Variants in SPTBN1 observed in about 807,000 individuals in gnomAD.
SPTBN1 encodes spectrin beta, non-erythrocytic 1.
A neutral mutation model predicts 266.4 loss-of-function variants in SPTBN1; 32 were observed. The ratio of observed to expected loss-of-function variants is 0.12; its 90% CI spans 0.09 to 0.16. The LOEUF is 0.16. SPTBN1 is among the 10% of genes least tolerant of loss of function. SPTBN1 has a pLI of 1.00. For synonymous variants in SPTBN1, 1,336 were observed against 1,162.2 expected (o/e 1.15, Z -3.04); for missense variants, 2,296 against 3,067.1 (o/e 0.75, Z 5.94).
rs142206783 is a variant in SPTBN1, at chr2:54,619,349, C to A, written c.763+1156C>A. Among the ~76,000 whole-genome samples the A allele has an allele frequency of 2.0e-5, 3 of 152,290 alleles. No homozygotes were observed. The East Asian group carries it at 5.8e-4, about 29-fold the overall frequency. ...CTTCGATAAATCTTCATGCTTAACC[C>A]CTATCTTACTATGGGAAGGAATTTT... On this transcript the variant is annotated intron_variant, in intron 7 of 35. Coordinates refer to ENST00000356805, the MANE Select transcript of SPTBN1 (RefSeq NM_003128.3).
chr2:54,660,451 A>G (rs956612553), intron 32 of SPTBN1: 5 of 1,006,480 alleles, frequency 5.0e-6, no homozygotes, highest in Non-Finnish European at 5.9e-6. Context: ...ACTGTGCTAT[A>G]TGTAGCCGCC....
chr2:54,574,689 C>T (rs1410231235), intron 2 of SPTBN1, among the ~76,000 whole-genome samples: 5 of 152,154 alleles, frequency 3.3e-5, no homozygotes, highest in Non-Finnish European at 7.3e-5. Flanking sequence ...TCAGTGATCC[C>T]ATGAGAGCTC....
chr2:54,608,409 T>C (rs990253809), intron 3 of SPTBN1, among the ~76,000 whole-genome samples: 6 of 152,132 alleles, frequency 3.9e-5, no homozygotes, highest in Admixed American at 6.5e-5. Flanking sequence ...GAAGGAAAGA[T>C]GGGCCTTGGC....
At chr2:54,615,142 T>G (rs1278210755) in intron 4 of SPTBN1, among the ~76,000 whole-genome samples, 2 of 152,236 alleles carry the variant, frequency 1.3e-5, no homozygotes, top group African/African-American at 4.8e-5. Flanking sequence ...GAGAATTTTT[T>G]TTTAATGTAG....
chr2:54,504,548 G>A (rs759763121), intron 1 of SPTBN1, among the ~76,000 whole-genome samples: 14 of 152,208 alleles, frequency 9.2e-5, no homozygotes, highest in Admixed American at 2.0e-4. Context: ...TTGAATCCAT[G>A]TGAGTAAGGT....
At position 54,631,207 on chromosome 2, in the gene SPTBN1, C is replaced by T; in HGVS notation, c.3160C>T (p.Arg1054Ter). The T allele has an allele frequency of 1.2e-6, 2 of 1,614,178 alleles. No homozygotes were observed. Among genetic ancestry groups the T allele is most frequent in the African/African-American group, 1.3e-5 (1 of 75,060 alleles). ...WEEMKTTLKN[R>*]EASLGEASKL... is the part of the protein sequence containing the mutation. The stretch of plus-strand genomic sequence containing the variant: ...GGAGATGAAGACCACCCTGAAAAAC[C>T]GAGAGGCCTCCCTGGGAGAGGCCAG... Residue 1054 changes from arginine (R) to a stop codon, truncating the protein, a stop_gained, in exon 16 of 36, where the codon CGA (arginine) becomes TGA (stop). Coordinates refer to ENST00000356805, the MANE Select transcript of SPTBN1 (RefSeq NM_003128.3). LOFTEE classifies it high-confidence loss of function.
intron 1 of SPTBN1, among the ~76,000 whole-genome samples, chr2:54,491,558 G>A (rs929800812): frequency 6.6e-6 from 1 of 152,036 alleles, no homozygotes; most frequent in Admixed American, 6.6e-5. Context: ...TAAATTCTGT[G>A]GTTCAAGTAA....
rs531439556 is a variant in SPTBN1, at chr2:54,457,019, G to C, written c.-48+501G>C. Among the ~76,000 whole-genome samples the C allele has an allele frequency of 4.6e-4, 70 of 151,726 alleles. 1 individual carries two copies. The East Asian group carries it at 0.011, about 23-fold the overall frequency. Reference sequence around the variant, plus strand: ...GAGCGGGGGCGGCGGTGACAGGGCCGGGCTCTGCGCGTAGCGGTGCAGGGG... The same window carrying C: ...GAGCGGGGGCGGCGGTGACAGGGCCCGGCTCTGCGCGTAGCGGTGCAGGGG... On this transcript the variant is annotated intron_variant, in intron 1 of 35. Transcript: ENST00000356805.
At chr2:54,584,974 A>G (rs567757116) in intron 2 of SPTBN1, among the ~76,000 whole-genome samples, 2 of 152,316 alleles carry the variant, frequency 1.3e-5, no homozygotes, top group East Asian at 3.9e-4. Context: ...GGATGCATTC[A>G]TGGATGTTAT....
chr2:54,466,829 T>C (rs1693660834), intron 1 of SPTBN1, among the ~76,000 whole-genome samples: 1 of 152,210 alleles, frequency 6.6e-6, no homozygotes, highest in Non-Finnish European at 1.5e-5. Flanking sequence ...AAATATACTT[T>C]CTGCTGTTCA....
intron 2 of SPTBN1, among the ~76,000 whole-genome samples, chr2:54,560,362 G>A (rs1673215239): frequency 1.3e-5 from 2 of 152,026 alleles, no homozygotes; most frequent in Non-Finnish European, 2.9e-5. Flanking sequence ...AGCCTAGCCT[G>A]GAAGTCTCAG....
chr2:54,652,788 A>G (rs1481954540), intron 26 of SPTBN1: 1 of 152,260 alleles, frequency 6.6e-6, no homozygotes, highest in African/African-American at 2.4e-5. Context: ...TCCATGAAGC[A>G]TCTTTTCATG....
chr2:54,532,816 C>T (rs772929779), intron 2 of SPTBN1, among the ~76,000 whole-genome samples: 2 of 152,088 alleles, frequency 1.3e-5, no homozygotes, highest in Non-Finnish European at 2.9e-5. Flanking sequence ...TACGTCTTCC[C>T]CTAATTTGTG....
chr2:54,520,913 A>T (rs1670398475), intron 1 of SPTBN1, among the ~76,000 whole-genome samples: 1 of 152,090 alleles, frequency 6.6e-6, no homozygotes, highest in African/African-American at 2.4e-5. Context: ...TCCTTGTGTC[A>T]GCCTTACATA....
chr2:54,546,980 T>C (rs1672281619), intron 2 of SPTBN1, among the ~76,000 whole-genome samples: 1 of 149,904 alleles, frequency 6.7e-6, no homozygotes, highest in Non-Finnish European at 1.5e-5. Context: ...AAAAACCACA[T>C]AACATAAGGT....
intron 2 of SPTBN1, among the ~76,000 whole-genome samples, chr2:54,559,567 C>T (rs751957328): frequency 1.3e-5 from 2 of 152,152 alleles, no homozygotes; most frequent in Non-Finnish European, 2.9e-5. Flanking sequence ...TTTTACTGAA[C>T]ATATTTTTAG....
Position 54,669,795 on chromosome 2 carries a change from T to C in SPTBN1, c.*1226T>C, listed in dbSNP as rs1028047478. The C allele has an allele frequency of 6.6e-6, 1 of 152,374 alleles. No homozygotes were observed. Among genetic ancestry groups the C allele is most frequent in the African/African-American group, 2.4e-5 (1 of 41,470 alleles). The allele number at this position is 152,374 out of a possible 1,614,324, so 9.4% of individuals were successfully genotyped here. On this transcript the variant is annotated 3_prime_UTR_variant, in exon 36 of 36. Coordinates refer to ENST00000356805, the MANE Select transcript of SPTBN1 (RefSeq NM_003128.3). ...ACCAGTCTGGGCTCACTTTTGCATT[T>C]TTTATGCATGTCTGGTGCACAAGCT...
chr2:54,543,829 G>T (rs1395254232), intron 2 of SPTBN1, among the ~76,000 whole-genome samples: 1 of 152,288 alleles, frequency 6.6e-6, no homozygotes, highest in Admixed American at 6.5e-5. Flanking sequence ...AGACAGATGG[G>T]AGTGGGAGAT....
chr2:54,586,912 A>G (rs1675332481), intron 2 of SPTBN1, among the ~76,000 whole-genome samples: 1 of 152,152 alleles, frequency 6.6e-6, no homozygotes, highest in South Asian at 2.1e-4. Flanking sequence ...ATGTCTGAAA[A>G]TAATGTGACT....
Sources: gnomAD v4.1 joint callset for allele counts (sites outside exome capture counted in the v4.1 genomes callset) on GRCh38, gnomAD v4.1.1 for gene constraint, MANE v1.5 for transcripts, NCBI Gene and HGNC (gene_info 2026-07-23, HGNC 2026-07-21) for gene names.